Variants in MGAT4A observed in about 807,000 individuals in gnomAD.
MGAT4A encodes N-acetylglucosaminyltransferase IVa.
A neutral mutation model predicts 74.1 loss-of-function variants in MGAT4A; 33 were observed. The observed-to-expected ratio is 0.45, with a 90% CI of 0.34 to 0.60. The LOEUF (loss-of-function observed/expected upper bound fraction) is 0.60. Ranked by LOEUF, MGAT4A falls within the 20% of genes least tolerant of loss-of-function variation. The pLI, the probability that MGAT4A is intolerant of heterozygous loss-of-function variation, is 0.02. For synonymous variants in MGAT4A, 198 were observed against 210.4 expected, an observed-to-expected ratio of 0.94 and a Z score of 0.51; for missense variants, 479 against 628.3, an observed-to-expected ratio of 0.76 and a Z score of 2.54.
Position 98,624,408 on chromosome 2 carries a change from C to T in MGAT4A, c.*1158G>A, listed in dbSNP as rs887263487. On this transcript the variant is annotated 3_prime_UTR_variant, in exon 16 of 16. Transcript: ENST00000393487. ...ATAGTAGTAATATCATTTGGAATAGCGTGTTTAAGAGTAATAAATACAGTC... is the reference window on the plus strand; with the variant it reads ...ATAGTAGTAATATCATTTGGAATAGTGTGTTTAAGAGTAATAAATACAGTC... 4.2e-6 allele frequency: 4 copies of T among 953,284 alleles called. No homozygotes were observed. Among genetic ancestry groups the T allele is most frequent in the Non-Finnish European group, 3.7e-6 (3 of 801,048 alleles). 59.1% of individuals were successfully genotyped at this position (953,284 alleles called of 1,614,324 possible).
chr2:98,625,721 A>G lies in MGAT4A; in HGVS notation c.1581+2T>C. ...TGTTTCACTGATTTGATATATGCTT[A>G]CCTCATTAAGAATGGCCCAAACAGC... is the stretch of plus-strand genomic sequence containing the variant. On this transcript the variant is annotated splice_donor_variant, in intron 15 of 15. Transcript: ENST00000393487. LOFTEE classifies it high-confidence loss of function. 6.2e-7 allele frequency: 1 copy of G among 1,606,400 alleles called. No individual in the cohort carries two copies. Among genetic ancestry groups the G allele is most frequent in the Non-Finnish European group, 8.5e-7 (1 of 1,173,576 alleles).
At chr2:98,700,605 T>A (rs941679993) in intron 2 of MGAT4A, among the ~76,000 whole-genome samples, 1 of 152,112 alleles carries the variant, frequency 6.6e-6, no homozygotes, top group African/African-American at 2.4e-5. Flanking sequence ...GTCTATTACA[T>A]GTTGGCTGGG....
At chr2:98,715,242 C>T (rs532443927) in intron 2 of MGAT4A, among the ~76,000 whole-genome samples, 6 of 149,218 alleles carry the variant, frequency 4.0e-5, no homozygotes, top group East Asian at 3.9e-4. Context: ...CATTTGAATC[C>T]GAGAGGCAGA....
At chr2:98,681,380 T>C (rs1702057548) in intron 2 of MGAT4A, among the ~76,000 whole-genome samples, 1 of 152,162 alleles carries the variant, frequency 6.6e-6, no homozygotes, top group Admixed American at 6.5e-5. Context: ...AAGAAAAATC[T>C]AGAAGATAAT....
At chr2:98,656,716 T>C (rs1701666977) in intron 6 of MGAT4A, among the ~76,000 whole-genome samples, 1 of 151,656 alleles carries the variant, frequency 6.6e-6, no homozygotes, top group African/African-American at 2.4e-5. Context: ...CTTATTAAAG[T>C]AGCATAGAAA....
intron 2 of MGAT4A, among the ~76,000 whole-genome samples, chr2:98,706,229 T>C (rs763369545): frequency 2.0e-5 from 3 of 152,166 alleles, no homozygotes; most frequent in African/African-American, 7.2e-5. Flanking sequence ...ATAGCCAGTT[T>C]GGATGAATTT....
intron 1 of MGAT4A, among the ~76,000 whole-genome samples, chr2:98,727,401 A>G (rs1702782140): frequency 6.6e-6 from 1 of 152,208 alleles, no homozygotes; most frequent in Non-Finnish European, 1.5e-5. Context: ...CATTCAGCAT[A>G]TAATAGGTTC....
chr2:98,702,107 T>C (rs1161387873), intron 2 of MGAT4A, among the ~76,000 whole-genome samples: 2 of 152,236 alleles, frequency 1.3e-5, no homozygotes, highest in African/African-American at 4.8e-5. Context: ...GAAGTGTTTA[T>C]TCATGAAACC....
chr2:98,671,246 C>T (rs1235314545), intron 4 of MGAT4A, among the ~76,000 whole-genome samples: 1 of 152,188 alleles, frequency 6.6e-6, no homozygotes, highest in East Asian at 1.9e-4. Context: ...CCAAGTTGAC[C>T]CTCTCTCCAG....
chr2:98,678,249 A>AAAAAATAT lies in MGAT4A; in HGVS notation c.262+54_262+55insATATTTTT, dbSNP rs67023324. On this transcript the variant is annotated intron_variant, in intron 3 of 15. Coordinates refer to ENST00000393487, the MANE Select transcript of MGAT4A (RefSeq NM_012214.3). Reference sequence around the variant, plus strand: ...TGTCTCAAAGAAAAAAAAAAAAAAAAATATATATATATATATATAAAATCT... The same window carrying AAAAAATAT: ...TGTCTCAAAGAAAAAAAAAAAAAAAAAAAAATATATATATATATATATATATAAAATCT... 1.7e-4 allele frequency: 44 copies of AAAAAATAT among 263,804 alleles called. 1 individual carries two copies. The East Asian group carries it at 2.3e-3, about 14-fold the overall frequency. The allele number at this position is 263,804 out of a possible 1,614,324, so 16.3% of individuals were successfully genotyped here. A position where few individuals can be genotyped will look rare whatever the true frequency, so the allele number is the denominator to read the frequency against.
At chr2:98,701,482 G>A (rs997975339) in intron 2 of MGAT4A, among the ~76,000 whole-genome samples, 5 of 152,048 alleles carry the variant, frequency 3.3e-5, no homozygotes, top group African/African-American at 1.2e-4. Context: ...CTCATATGTC[G>A]GCCATGAATA....
At chr2:98,649,359 T>A (rs557388604) in intron 8 of MGAT4A, among the ~76,000 whole-genome samples, 1 of 152,176 alleles carries the variant, frequency 6.6e-6, no homozygotes, top group African/African-American at 2.4e-5. Flanking sequence ...AGATTTAAAA[T>A]CTGAGCATTC....
chr2:98,682,698 A>G (rs1702078096), intron 2 of MGAT4A, among the ~76,000 whole-genome samples: 2 of 141,900 alleles, frequency 1.4e-5, no homozygotes, highest in African/African-American at 4.9e-5. Flanking sequence ...TGAACCCCAG[A>G]GGACACCCCT....
intron 2 of MGAT4A, among the ~76,000 whole-genome samples, chr2:98,711,616 A>T (rs1432342873): frequency 1.3e-5 from 2 of 152,200 alleles, no homozygotes; most frequent in Non-Finnish European, 2.9e-5. Flanking sequence ...TGAAGTTCAA[A>T]AAAAAAATCA....
intron 2 of MGAT4A, among the ~76,000 whole-genome samples, chr2:98,680,068 T>G (rs1575265817): frequency 7.8e-6 from 1 of 128,216 alleles, no homozygotes. Flanking sequence ...TGAGACAGAG[T>G]CTCACTCTGT....
At chr2:98,709,125 G>T (rs1476890854) in intron 2 of MGAT4A, among the ~76,000 whole-genome samples, 1 of 152,148 alleles carries the variant, frequency 6.6e-6, no homozygotes, top group Non-Finnish European at 1.5e-5. Context: ...GTGTCTTCAT[G>T]TCAAACAGGG....
Position 98,731,009 on chromosome 2 carries a change from C to T in MGAT4A, c.-236+39G>A. ...CGCGCAGCCGCCCCGCGCCCCCTCCCGCCCCCGCGCGCCGCCGCTGCCGCC... is the reference window on the plus strand; with the variant it reads ...CGCGCAGCCGCCCCGCGCCCCCTCCTGCCCCCGCGCGCCGCCGCTGCCGCC... On this transcript the variant is annotated intron_variant, in intron 1 of 15. Transcript: ENST00000393487. This position sits in a 1 kb window ranked among gnomAD's most constrained non-coding sequence, Gnocchi z 4.8. 1 of 142,064 alleles carries T rather than the reference C, an allele frequency of 7.0e-6. No homozygotes were observed. The highest frequency in any genetic ancestry group is 6.9e-5 in the Admixed American group (1 of 14,436). 8.8% of individuals were successfully genotyped at this position (142,064 alleles called of 1,614,324 possible). A position where few individuals can be genotyped will look rare whatever the true frequency, so the allele number is the denominator to read the frequency against.
rs144733396 is a variant in MGAT4A at position 98,698,540 on chromosome 2, T to C, written c.95-20069A>G. Among the ~76,000 whole-genome samples the C allele has an allele frequency of 4.6e-3, 700 of 152,344 alleles. 5 individuals carry two copies. The highest frequency in any genetic ancestry group is 0.016 in the African/African-American group (665 of 41,578). ...CCAGTATCAACGCTCCTTTTATTCA[T>C]CTCCTGACCAGGAACACGAAACTGT... On this transcript the variant is annotated intron_variant, in intron 2 of 15. Coordinates refer to ENST00000393487, the MANE Select transcript of MGAT4A (RefSeq NM_012214.3).
Position 98,621,442 on chromosome 2 carries a change from A to G in MGAT4A, c.*4124T>C, listed in dbSNP as rs767997924. On this transcript the variant is annotated 3_prime_UTR_variant, in exon 16 of 16. Transcript: ENST00000393487. ...CAGCCCCCTCTACCTTAAAACAGCA[A>G]TGGTGCCTGAGGTCCTTCTGCTTTG... 6 of 1,551,662 alleles carry G rather than the reference A, an allele frequency of 3.9e-6. No individual in the cohort carries two copies. The South Asian group carries it at 4.8e-5, about 12-fold the overall frequency.
Sources: allele counts gnomAD v4.1 joint callset (sites outside exome capture counted in the v4.1 genomes callset), GRCh38; gene constraint gnomAD v4.1.1; non-coding constraint Gnocchi (gnomAD v3.1); transcripts MANE v1.5; gene names NCBI Gene and HGNC (gene_info 2026-07-23, HGNC 2026-07-21).